Variants in RIMS4 observed in about 807,000 individuals in gnomAD.
RIMS4 encodes the protein regulating synaptic membrane exocytosis protein 4.
A neutral mutation model predicts 29.0 loss-of-function variants in RIMS4; 9 were observed. The ratio of observed to expected loss-of-function variants is 0.31; its 90% confidence interval spans 0.19 to 0.54. The LOEUF (loss-of-function observed/expected upper bound fraction) is 0.54, where lower values mean the gene tolerates loss of function less well. RIMS4 is among the 20% of genes least tolerant of loss of function. The pLI is 0.94. For missense variants in RIMS4, 193 were observed against 365.7 expected, an observed-to-expected ratio of 0.53 and a Z score of 3.85; for synonymous variants, 130 against 152.9, an observed-to-expected ratio of 0.85 and a Z score of 1.10.
At chr20:44,757,892 C>A in intron 3 of RIMS4, 121 bp from the exon 4 acceptor site, 4 of 1,021,764 alleles carry the variant, frequency 3.9e-6, no homozygotes, top group South Asian at 1.4e-5. Context: ...AGAATAAGAC[C>A]AGAACCAACT....
intron 1 of RIMS4, among the ~76,000 whole-genome samples, chr20:44,777,109 C>T (rs762773234): frequency 2.6e-5 from 4 of 152,184 alleles, no homozygotes; most frequent in African/African-American, 9.7e-5. Context: ...TCCATGGCAC[C>T]TTGAAACACA....
intron 1 of RIMS4, among the ~76,000 whole-genome samples, chr20:44,802,448 C>T (rs2066281154): frequency 6.6e-6 from 1 of 152,134 alleles, no homozygotes; most frequent in African/African-American, 2.4e-5. Context: ...TCAGATCTGC[C>T]GGATTCCAAA....
intron 1 of RIMS4, among the ~76,000 whole-genome samples, chr20:44,781,835 G>C (rs1001209937): frequency 5.9e-5 from 9 of 152,198 alleles, no homozygotes; most frequent in African/African-American, 2.2e-4. Context: ...GCAAAAGGTA[G>C]AGTCTATGGC....
rs556698541 is a variant in RIMS4 at position 44,785,397 on chromosome 20, G to A, written c.98-13984C>T. The stretch of plus-strand genomic sequence containing the variant: ...GGATAATTACTTTATTTTTTGTAGA[G>A]ACAGGGTCTCGCCATGTTGCCCAAG... On this transcript the variant is annotated intron_variant, in intron 1 of 5. Transcript: ENST00000372851. 3.3e-5 allele frequency among the ~76,000 whole-genome samples: 5 copies of A among 152,190 alleles called. No homozygotes were observed. In the South Asian group the frequency reaches 1.0e-3, roughly 32 times the overall value.
At chr20:44,795,669 A>G (rs981142650) in intron 1 of RIMS4, among the ~76,000 whole-genome samples, 22 of 152,174 alleles carry the variant, frequency 1.4e-4, no homozygotes, top group African/African-American at 1.7e-4. Flanking sequence ...AAACAACCTC[A>G]CAGAGTAGTT....
At chr20:44,775,889 T>C (rs1195559268) in intron 1 of RIMS4, among the ~76,000 whole-genome samples, 1 of 152,266 alleles carries the variant, frequency 6.6e-6, no homozygotes, top group Non-Finnish European at 1.5e-5. Flanking sequence ...TGTATGCTTC[T>C]ATGTCATTTG....
intron 1 of RIMS4, among the ~76,000 whole-genome samples, chr20:44,798,697 C>G (rs1023999253): frequency 3.9e-5 from 6 of 152,220 alleles, no homozygotes; most frequent in Non-Finnish European, 8.8e-5. Context: ...GGGGGACTAC[C>G]CTGCTATAGG....
At chr20:44,795,898 T>G (rs1326674637) in intron 1 of RIMS4, among the ~76,000 whole-genome samples, 1 of 152,136 alleles carries the variant, frequency 6.6e-6, no homozygotes, top group African/African-American at 2.4e-5. Context: ...GTAGAAAATC[T>G]GGAAAATACA....
At chr20:44,785,158 C>T (rs1427581166) in intron 1 of RIMS4, among the ~76,000 whole-genome samples, 1 of 152,142 alleles carries the variant, frequency 6.6e-6, no homozygotes, top group Non-Finnish European at 1.5e-5. Flanking sequence ...AAAGGACCTG[C>T]CAGCACATAC....
chr20:44,770,443 G>C (rs2066131932), intron 2 of RIMS4, among the ~76,000 whole-genome samples: 1 of 152,158 alleles, frequency 6.6e-6, no homozygotes, highest in Non-Finnish European at 1.5e-5. Flanking sequence ...GGAGAATGAG[G>C]GTGTACATGC....
In RIMS4 at chr20:44,755,999, C is replaced by A. The variant is rs948015949; in HGVS notation, c.*135G>T. 7 of 712,598 alleles carry A rather than the reference C, an allele frequency of 9.8e-6. No individual in the cohort carries two copies. Among genetic ancestry groups the A allele is most frequent in the Non-Finnish European group, 1.7e-5 (7 of 419,004 alleles). The allele number at this position is 712,598 out of a possible 1,614,324, so 44.1% of individuals were successfully genotyped here. ...GGGTGAGGAGGGGCCCAAGGGGGGG[C>A]AGGTCTCCCCGTTCTGCTTCCCCAC... On this transcript the variant is annotated 3_prime_UTR_variant, in exon 6 of 6. Transcript: ENST00000372851.
rs115611574 is a variant in RIMS4, at chr20:44,764,558, T to C, written c.237-6374A>G. Among the ~76,000 whole-genome samples the C allele has an allele frequency of 3.9e-3, 600 of 152,014 alleles. 2 individuals are homozygous for C. Among genetic ancestry groups the C allele is most frequent in the African/African-American group, 0.013 (533 of 41,436 alleles). ...TGTCGGAAGAGGTGCAGCCTGTGAG[T>C]GATTGTGAGGTGGTGAGGGAAAAAC... On this transcript the variant is annotated intron_variant, in intron 2 of 5. Transcript: ENST00000372851.
rs557396773 is a variant in RIMS4 at position 44,793,281 on chromosome 20, T to G, written c.97+16894A>C. Among the ~76,000 whole-genome samples the G allele has an allele frequency of 6.6e-5, 10 of 152,324 alleles. No individual in the cohort carries two copies. The South Asian group carries it at 2.1e-3, about 32-fold the overall frequency. ...TATTCTAAATATGTAAAAGTTTAAA[T>G]CAGGCTATTAAATAAAATATGTTCT... On this transcript the variant is annotated intron_variant, in intron 1 of 5. Transcript: ENST00000372851.
At chr20:44,768,968 T>C (rs1292430858) in intron 2 of RIMS4, among the ~76,000 whole-genome samples, 1 of 152,248 alleles carries the variant, frequency 6.6e-6, no homozygotes, top group Non-Finnish European at 1.5e-5. Flanking sequence ...ATTAACATAT[T>C]GAACCCTCAC....
At chr20:44,765,404 A>G (rs1418724067) in intron 2 of RIMS4, among the ~76,000 whole-genome samples, 5 of 152,212 alleles carry the variant, frequency 3.3e-5, no homozygotes, top group Non-Finnish European at 1.5e-5. Context: ...AAACAGGAAT[A>G]AAGAACAATA....
intron 1 of RIMS4, among the ~76,000 whole-genome samples, chr20:44,795,916 C>T (rs1249436354): frequency 6.6e-6 from 1 of 152,108 alleles, no homozygotes; most frequent in East Asian, 1.9e-4. Flanking sequence ...ACAAAAAAAG[C>T]ACAAACTAGA....
chr20:44,805,468 AG>A (rs2066294588), intron 1 of RIMS4, among the ~76,000 whole-genome samples: 1 of 152,112 alleles, frequency 6.6e-6, no homozygotes, highest in African/African-American at 2.4e-5. Context: ...GAAAATGGGA[AG>A]GGGGGTGTGG....
intron 1 of RIMS4, among the ~76,000 whole-genome samples, chr20:44,790,941 A>C (rs1208205511): frequency 6.6e-6 from 1 of 152,224 alleles, no homozygotes; most frequent in Non-Finnish European, 1.5e-5. Context: ...GCAGGGACAA[A>C]AATGAACCAT....
intron 1 of RIMS4, among the ~76,000 whole-genome samples, chr20:44,804,293 T>C (rs2066288980): frequency 6.6e-6 from 1 of 152,164 alleles, no homozygotes; most frequent in Non-Finnish European, 1.5e-5. Flanking sequence ...CAAAAATAAT[T>C]AACCCTTTTT....
Sources: allele counts gnomAD v4.1 joint callset (sites outside exome capture counted in the v4.1 genomes callset), GRCh38; gene constraint gnomAD v4.1.1; transcripts MANE v1.5; gene names NCBI Gene and HGNC (gene_info 2026-07-23, HGNC 2026-07-21).